POLG2: variants seen among roughly 807,000 people sequenced by gnomAD.
POLG2 encodes DNA polymerase gamma 2, accessory subunit.
Under a neutral mutation model 56.5 loss-of-function variants are expected in POLG2, and 50 were observed. The observed-to-expected ratio is 0.88, with a 90% confidence interval of 0.71 to 1.12. POLG2 has a LOEUF of 1.12. Ranked by LOEUF, POLG2 falls within the 50% of genes most tolerant of loss-of-function variation. POLG2 has a pLI of 0.00. For synonymous variants in POLG2, 226 were observed against 222.6 expected, an observed-to-expected ratio of 1.02 and a Z score of -0.14; for missense variants, 584 against 583.3, an observed-to-expected ratio of 1.00 and a Z score of -0.01.
chr17:64,487,361 C>T (rs1555667694), intron 4 of POLG2: 1 of 152,134 alleles, frequency 6.6e-6, no homozygotes. Context: ...TGCCTGTAAT[C>T]CCAGCACATC....
intron 1 of POLG2, among the ~76,000 whole-genome samples, chr17:64,496,020 T>C (rs1232823126): frequency 6.6e-6 from 1 of 152,230 alleles, no homozygotes; most frequent in Non-Finnish European, 1.5e-5. Context: ...TGATTTATCC[T>C]ATGATATACA....
In POLG2 at chr17:64,483,013, A is replaced by G. The variant is rs1555666810; in HGVS notation, c.1111-14T>C. ...AAGTTTAAGTACCTAAGGCAATTAA[A>G]TGGGGGAGGGAGAAGACAGGAAAGG... On this transcript the variant is annotated splice_polypyrimidine_tract_variant and intron_variant, in intron 5 of 7. Coordinates refer to ENST00000539111, the MANE Select transcript of POLG2 (RefSeq NM_007215.4). 7.0e-7 allele frequency: 1 copy of G among 1,428,042 alleles called. No individual in the cohort carries two copies. The highest frequency in any genetic ancestry group is 1.7e-5 in the Admixed American group (1 of 58,512). 88.5% of individuals were successfully genotyped at this position (1,428,042 alleles called of 1,614,324 possible).
At chr17:64,490,716 GCACCTTATTCT>G in intron 4 of POLG2, 69 bp downstream of exon 4, 1 of 1,101,010 alleles carries the variant, frequency 9.1e-7, no homozygotes, top group East Asian at 2.4e-5. Context: ...CACCACGTTT[GCACCTTATTCT>G]CAAATGGTTC....
chr17:64,483,912 A>C (rs2037907753), intron 5 of POLG2: 1 of 152,162 alleles, frequency 6.6e-6, no homozygotes, highest in Admixed American at 6.6e-5. Flanking sequence ...AAGTTTTGCC[A>C]TGTTGCCCAG....
Position 64,481,860 on chromosome 17 carries a change from G to A in POLG2, c.1191+1059C>T, listed in dbSNP as rs139454046. Among the ~76,000 whole-genome samples, 55 of 151,782 alleles carry A rather than the reference G, an allele frequency of 3.6e-4. No homozygotes were observed. In the East Asian group the frequency reaches 7.2e-3, roughly 20 times the overall value. ...ACTGCACTCCAGCCTGGGTAACAGA[G>A]CAAGACTCCGTCTCAAAATAAATAA... On this transcript the variant is annotated intron_variant, in intron 6 of 7. Transcript: ENST00000539111.
Position 64,478,693 on chromosome 17 carries a change from C to T in POLG2, c.1293-705G>A, listed in dbSNP as rs372185991. ...TGGGCGGATCATGAGGTCAGGAGTT[C>T]GAGACCAGCCTGGCCAACATAGTGA... On this transcript the variant is annotated intron_variant, in intron 7 of 7. Transcript: ENST00000539111. Among the ~76,000 whole-genome samples, 270 of 151,968 alleles carry T rather than the reference C, an allele frequency of 1.8e-3. 1 individual carries two copies. Among genetic ancestry groups the T allele is most frequent in the African/African-American group, 6.3e-3 (261 of 41,448 alleles).
intron 4 of POLG2, among the ~76,000 whole-genome samples, chr17:64,490,009 C>T (rs1555668214): frequency 6.6e-6 from 1 of 151,936 alleles, no homozygotes; most frequent in Non-Finnish European, 1.5e-5. Context: ...ATCGCAACCT[C>T]CACCTCCCGG....
chr17:64,494,924 A>G (rs1024499497), intron 1 of POLG2, among the ~76,000 whole-genome samples: 9 of 152,220 alleles, frequency 5.9e-5, no homozygotes, highest in Non-Finnish European at 1.2e-4. Context: ...CTGTAATCCC[A>G]GCACTTTGGG....
intron 3 of POLG2, among the ~76,000 whole-genome samples, chr17:64,492,361 G>T (rs545880355): frequency 6.6e-6 from 1 of 152,252 alleles, no homozygotes; most frequent in South Asian, 2.1e-4. Context: ...GGTAGCAAAA[G>T]CTGAAGCTGT....
intron 3 of POLG2, 103 bp downstream of exon 3, chr17:64,492,564 T>A (rs2144197554): frequency 1.4e-6 from 1 of 709,890 alleles, no homozygotes; most frequent in East Asian, 2.7e-5. Context: ...TATTAATAGC[T>A]ACATACATCA....
chr17:64,495,896 A>G (rs1014896573), intron 1 of POLG2, among the ~76,000 whole-genome samples: 6 of 152,002 alleles, frequency 3.9e-5, no homozygotes, highest in African/African-American at 9.7e-5. Context: ...TTTAGTAGAG[A>G]CGGGGTTTCA....
chr17:64,488,542 C>A (rs895122238), intron 4 of POLG2, among the ~76,000 whole-genome samples: 2 of 151,654 alleles, frequency 1.3e-5, no homozygotes, highest in Non-Finnish European at 2.9e-5. Context: ...ATTCTTCATA[C>A]AAAAGAAAAA....
Position 64,496,787 on chromosome 17 carries a change from C to G in POLG2, c.182G>C (p.Gly61Ala). The G allele has an allele frequency of 6.2e-7, 1 of 1,613,904 alleles. No individual in the cohort carries two copies. The highest frequency in any genetic ancestry group is 8.5e-7 in the Non-Finnish European group (1 of 1,180,028). Residue 61 changes from glycine (G) to alanine (A), a missense_variant, in exon 1 of 8, where the codon GGG becomes GCG. By Grantham distance (60) the Gly-to-Ala change is moderately conservative (BLOSUM62 0). Transcript: ENST00000539111. ...EGNGEHPEAP[G>A]SGEGSEALLE... The stretch of plus-strand genomic sequence containing the variant: ...CAGCGCCTCGCTTCCCTCTCCAGAC[C>G]CGGGGGCTTCTGGGTGCTCGCCGTT...
rs782081348 is a variant in POLG2 at position 64,480,349 on chromosome 17, ATCCCATTTTCTAGTAAC to A, written c.1215_1231del (p.Glu405AspfsTer23). 6.2e-7 allele frequency: 1 copy of A among 1,600,364 alleles called. No individual in the cohort carries two copies. Among genetic ancestry groups the A allele is most frequent in the Non-Finnish European group, 8.6e-7 (1 of 1,168,858 alleles). ...TTCCAAATAACCAGGCCACACAGAA[ATCCCATTTTCTAGTAAC>A]TCATTAAATAGCCCTTGACAAACCT... On this transcript the variant is annotated frameshift_variant, in exon 7 of 8. Coordinates refer to ENST00000539111, the MANE Select transcript of POLG2 (RefSeq NM_007215.4). LOFTEE classifies it high-confidence loss of function.
rs782163919 is a variant in POLG2 at position 64,492,774 on chromosome 17, T to G, written c.690-2A>C. On this transcript the variant is annotated splice_acceptor_variant, in intron 2 of 7. Coordinates refer to ENST00000539111, the MANE Select transcript of POLG2 (RefSeq NM_007215.4). LOFTEE classifies it high-confidence loss of function. ...GAAGCTTCAGTCTTCTCACCAATAC[T>G]TTAGATATAAAACGTATCAGGAAGT... is the stretch of plus-strand genomic sequence containing the variant. 2 of 1,606,048 alleles carry G rather than the reference T, an allele frequency of 1.2e-6. No homozygotes were observed. The highest frequency in any genetic ancestry group is 2.2e-5 in the South Asian group (2 of 90,872).
chr17:64,490,820 A>G lies in POLG2; in HGVS notation c.945T>C (p.Tyr315=). 1 of 1,613,132 alleles carries G rather than the reference A, an allele frequency of 6.2e-7. No homozygotes were observed. The highest frequency in any genetic ancestry group is 8.5e-7 in the Non-Finnish European group (1 of 1,179,100). The change falls in exon 4 of 8, where the codon TAT becomes TAC. Residue 315 remains tyrosine, a synonymous_variant. Coordinates refer to ENST00000539111, the MANE Select transcript of POLG2 (RefSeq NM_007215.4). ...CATGTAATTTAGACACATTGCCAGG[A>G]TACATGTGTAAAAGTTCGTGATCTC... ...NLGDHELLHM[Y]PGNVSKLHGR... is the part of the protein sequence containing the mutation.
chr17:64,482,488 A>AT (rs1245151783), intron 6 of POLG2, among the ~76,000 whole-genome samples: 1 of 151,900 alleles, frequency 6.6e-6, no homozygotes, highest in East Asian at 1.9e-4. Context: ...CGCCCAGCTA[A>AT]TTTTTGTATT....
intron 4 of POLG2, 79 bp downstream of exon 4, chr17:64,490,717 C>A: frequency 8.0e-6 from 9 of 1,121,924 alleles, no homozygotes; most frequent in Non-Finnish European, 1.2e-5. Flanking sequence ...ACCACGTTTG[C>A]ACCTTATTCT....
At chr17:64,482,715 G>C (rs1555666740) in intron 6 of POLG2, among the ~76,000 whole-genome samples, 1 of 152,202 alleles carries the variant, frequency 6.6e-6, no homozygotes, top group Non-Finnish European at 1.5e-5. Context: ...TCCCTAATCA[G>C]AAAATCCGAA....
Sources: allele counts gnomAD v4.1 joint callset (sites outside exome capture counted in the v4.1 genomes callset), GRCh38; gene constraint gnomAD v4.1.1; transcripts MANE v1.5; gene names NCBI Gene and HGNC (gene_info 2026-07-23, HGNC 2026-07-21).